TLE3: variants seen among roughly 807,000 people sequenced by gnomAD.
TLE3 encodes the protein TLE family member 3, transcriptional corepressor.
TLE3 carries 14 observed loss-of-function variants against 93.0 expected under a neutral mutation model. The observed-to-expected ratio is 0.15, with a 90% CI of 0.10 to 0.24. The LOEUF is 0.24. Among genes scored for constraint, TLE3 ranks in the 10% least tolerant of loss-of-function variants. The pLI, the probability that TLE3 is intolerant of heterozygous loss-of-function variation, is 1.00. For missense variants in TLE3, 693 were observed against 1,046.6 expected, an observed-to-expected ratio of 0.66 and a Z score of 4.66; for synonymous variants, 451 against 425.0, an observed-to-expected ratio of 1.06 and a Z score of -0.75.
At position 70,060,570 on chromosome 15, in the gene TLE3, T is replaced by C. The variant is rs773805098; in HGVS notation, c.674A>G (p.Lys225Arg). The C allele has an allele frequency of 6.2e-7, 1 of 1,613,994 alleles. No individual in the cohort carries two copies. Among genetic ancestry groups the C allele is most frequent in the Non-Finnish European group, 8.5e-7 (1 of 1,179,876 alleles). The change falls in exon 9 of 20, where the codon AAG (lysine) becomes AGG (arginine). Residue 225 changes from lysine (K) to arginine (R), a missense_variant. Transcript: ENST00000451782. ...RGSADYSMEA[K>R]KRKAEEKDSL... ...GTCCTTCTCCTCCGCCTTCCGCTTC[T>C]TGGCTTCCATGCTGTAGTCCGCAGA...
rs574871630 is a variant in TLE3, at chr15:70,054,224, G to A, written c.1826+214C>T. ...GCTCCAGCTCCACTTTCTTCCCAGA[G>A]CCCTCTCCAACTCCTGGGCCCAATG... is the stretch of plus-strand genomic sequence containing the variant. On this transcript the variant is annotated intron_variant, in intron 16 of 19. Transcript: ENST00000451782. 124 of 575,406 alleles carry A rather than the reference G, an allele frequency of 2.2e-4. No individual in the cohort carries two copies. In the African/African-American group the frequency reaches 2.2e-3, roughly 10 times the overall value. The allele number at this position is 575,406 out of a possible 1,614,324, so 35.6% of individuals were successfully genotyped here. A position where few individuals can be genotyped will look rare whatever the true frequency, so the allele number is the denominator to read the frequency against.
chr15:70,079,980 T>C (rs2057681440), intron 4 of TLE3, among the ~76,000 whole-genome samples: 1 of 151,570 alleles, frequency 6.6e-6, no homozygotes, highest in African/African-American at 2.4e-5. Flanking sequence ...AGGTTAATAA[T>C]TGACAGCACT....
At chr15:70,084,922 A>G (rs2057973065) in intron 4 of TLE3, among the ~76,000 whole-genome samples, 1 of 152,180 alleles carries the variant, frequency 6.6e-6, no homozygotes, top group Non-Finnish European at 1.5e-5. Context: ...AGCAGGCTAT[A>G]TGCATCCTTC....
At chr15:70,073,463 A>G (rs188369463) in intron 6 of TLE3, among the ~76,000 whole-genome samples, 2 of 152,230 alleles carry the variant, frequency 1.3e-5, no homozygotes, top group Admixed American at 6.5e-5. Context: ...AGAGGAAAGA[A>G]GACCAACCAG....
intron 6 of TLE3, among the ~76,000 whole-genome samples, chr15:70,074,237 C>A (rs938058444): frequency 6.6e-6 from 1 of 152,196 alleles, no homozygotes; most frequent in Admixed American, 6.5e-5. Context: ...CCTAGGCCCC[C>A]ACCCTCCTCA....
chr15:70,087,089 C>T (rs927993624), intron 4 of TLE3, among the ~76,000 whole-genome samples: 1 of 152,214 alleles, frequency 6.6e-6, no homozygotes, highest in Non-Finnish European at 1.5e-5. Context: ...AGAGAGAACC[C>T]TGAGCTGGAA....
intron 6 of TLE3, among the ~76,000 whole-genome samples, chr15:70,070,240 AT>A (rs2057071156): frequency 6.6e-6 from 1 of 152,272 alleles, no homozygotes; most frequent in Non-Finnish European, 1.5e-5. Flanking sequence ...CACACAAGTG[AT>A]AAGCACCCAT....
intron 6 of TLE3, among the ~76,000 whole-genome samples, chr15:70,067,722 A>T (rs911393227): frequency 6.6e-6 from 1 of 151,492 alleles, no homozygotes; most frequent in Admixed American, 6.6e-5. Context: ...AAAGGGCCCT[A>T]CTCTCCCCCA....
At chr15:70,082,657 T>C (rs1361004083) in intron 4 of TLE3, among the ~76,000 whole-genome samples, 1 of 152,184 alleles carries the variant, frequency 6.6e-6, no homozygotes, top group Non-Finnish European at 1.5e-5. Context: ...TGGGAGGACT[T>C]GGTACAAGAA....
intron 7 of TLE3, among the ~76,000 whole-genome samples, chr15:70,065,765 G>A (rs1419550153): frequency 2.6e-5 from 4 of 152,238 alleles, no homozygotes; most frequent in African/African-American, 7.2e-5. Context: ...GAAGATGGGA[G>A]CGAGCTCCAG....
chr15:70,054,406 C>T, intron 16 of TLE3, 32 bp downstream of exon 16: 11 of 1,593,922 alleles, frequency 6.9e-6, no homozygotes, highest in South Asian at 2.3e-5. Flanking sequence ...TTCCCCAGGA[C>T]GAGGCACTAA....
At chr15:70,067,429 G>C (rs1204212195) in intron 6 of TLE3, among the ~76,000 whole-genome samples, 1 of 152,290 alleles carries the variant, frequency 6.6e-6, no homozygotes, top group African/African-American at 2.4e-5. Context: ...TAGGGGGCTG[G>C]AGTAGGTAGC....
Position 70,058,593 on chromosome 15 carries a change from C to T in TLE3, c.918+70G>A. 1 of 1,497,708 alleles carries T rather than the reference C, an allele frequency of 6.7e-7. No homozygotes were observed. Among genetic ancestry groups the T allele is most frequent in the Non-Finnish European group, 8.9e-7 (1 of 1,123,644 alleles). 92.8% of individuals were successfully genotyped at this position (1,497,708 alleles called of 1,614,324 possible). A position where few individuals can be genotyped will look rare whatever the true frequency, so the allele number is the denominator to read the frequency against. On this transcript the variant is annotated intron_variant, in intron 11 of 19. Transcript: ENST00000451782. This position sits in a 1 kb window ranked among gnomAD's most constrained non-coding sequence, Gnocchi z 4.1. The stretch of plus-strand genomic sequence containing the variant: ...TCTCCCACTCCACCCCTCTGCCTGC[C>T]AATCGGCACCACCCCAGCTCCAGTC...
chr15:70,069,459 G>A (rs942701602), intron 6 of TLE3, among the ~76,000 whole-genome samples: 2 of 152,154 alleles, frequency 1.3e-5, no homozygotes, highest in African/African-American at 4.8e-5. Context: ...AAGGCTGAGA[G>A]GCTGGTTTTC....
At chr15:70,071,380 C>T (rs1395297468) in intron 6 of TLE3, among the ~76,000 whole-genome samples, 1 of 152,120 alleles carries the variant, frequency 6.6e-6, no homozygotes, top group Non-Finnish European at 1.5e-5. Flanking sequence ...GTAGGCTTGG[C>T]TTGAGAGCCT....
At chr15:70,056,448 C>T (rs2056040803) in intron 13 of TLE3, 74 bp from the exon 14 acceptor site, 1 of 1,417,810 alleles carries the variant, frequency 7.1e-7, no homozygotes, top group Non-Finnish European at 9.8e-7. Flanking sequence ...CTCCACCACC[C>T]ACCCGGGGTC....
chr15:70,083,703 G>C (rs937431962), intron 4 of TLE3, among the ~76,000 whole-genome samples: 1 of 151,190 alleles, frequency 6.6e-6, no homozygotes. Flanking sequence ...ATCTCCCCTT[G>C]CCCCTCAACA....
At chr15:70,055,487 G>A in intron 14 of TLE3, 189 bp from the exon 15 acceptor site, 3 of 649,206 alleles carry the variant, frequency 4.6e-6, no homozygotes, top group Non-Finnish European at 7.0e-6. Context: ...ATGATTAACA[G>A]ACCAGCTTTG....
intron 6 of TLE3, among the ~76,000 whole-genome samples, chr15:70,070,395 G>A (rs191933891): frequency 1.3e-5 from 2 of 152,216 alleles, no homozygotes; most frequent in African/African-American, 4.8e-5. Flanking sequence ...TTCATGATTT[G>A]GGTTGAACGT....
Sources: gnomAD v4.1 joint callset for allele counts (sites outside exome capture counted in the v4.1 genomes callset) on GRCh38, gnomAD v4.1.1 for gene constraint, Gnocchi (gnomAD v3.1) non-coding constraint, MANE v1.5 for transcripts, NCBI Gene and HGNC (gene_info 2026-07-23, HGNC 2026-07-21) for gene names.